The following NSG1 variants were observed in gnomAD, a reference collection of about 807,000 sequenced individuals.
NSG1 encodes neuronal vesicle trafficking-associated protein 1.
NSG1 carries 9 observed loss-of-function variants against 19.3 expected under a neutral mutation model. The observed-to-expected ratio is 0.47, with a 90% CI of 0.28 to 0.81. The LOEUF is 0.81. NSG1 is among the 40% of genes least tolerant of loss of function. The pLI is 0.11. For synonymous variants in NSG1, 104 were observed against 107.0 expected, an observed-to-expected ratio of 0.97 and a Z score of 0.17; for missense variants, 236 against 242.4, an observed-to-expected ratio of 0.97 and a Z score of 0.18.
intron 3 of NSG1, among the ~76,000 whole-genome samples, chr4:4,397,266 G>A (rs1219796249): frequency 2.0e-5 from 3 of 152,088 alleles, no homozygotes; most frequent in African/African-American, 4.8e-5. Context: ...CCGTCGACCT[G>A]GCGCCATCGA....
chr4:4,414,314 G>A lies in NSG1; in HGVS notation c.358-2921G>A, dbSNP rs191060449. 3.0e-3 allele frequency among the ~76,000 whole-genome samples: 455 copies of A among 151,960 alleles called. 1 individual carries two copies. The highest frequency in any genetic ancestry group is 5.4e-3 in the Non-Finnish European group (366 of 67,912). ...GGGCCTGGCACCTTTTGTTTAAAAG[G>A]CGCTCCAGGTGATTCCCATCCACAG... On this transcript the variant is annotated intron_variant, in intron 4 of 4. Coordinates refer to ENST00000621129, the MANE Select transcript of NSG1 (RefSeq NM_014392.5).
chr4:4,395,901 G>A (rs1254549970), intron 3 of NSG1, among the ~76,000 whole-genome samples: 2 of 152,160 alleles, frequency 1.3e-5, no homozygotes, highest in Non-Finnish European at 1.5e-5. Flanking sequence ...TCCTTGAAAC[G>A]GAGTGTCTTT....
At chr4:4,402,727 ATGGGTTCC>A (rs1198755360) in intron 3 of NSG1, among the ~76,000 whole-genome samples, 2 of 152,166 alleles carry the variant, frequency 1.3e-5, no homozygotes, top group Non-Finnish European at 2.9e-5. Flanking sequence ...GAACAGGTTC[ATGGGTTCC>A]TGCAGGCACG....
intron 3 of NSG1, among the ~76,000 whole-genome samples, chr4:4,402,047 ATTTTT>A (rs35299425): frequency 3.3e-5 from 4 of 122,318 alleles, no homozygotes; most frequent in Non-Finnish European, 3.4e-5. Context: ...TGCCCAGCTA[ATTTTT>A]TTTTTTTTTT....
At position 4,387,740 on chromosome 4, in the gene NSG1, G is replaced by T; in HGVS notation, c.111G>T (p.Gln37His). 6.2e-7 allele frequency: 1 copy of T among 1,612,108 alleles called. No individual in the cohort carries two copies. Among genetic ancestry groups the T allele is most frequent in the Non-Finnish European group, 8.5e-7 (1 of 1,178,436 alleles). ...LMTPLDVNQL[Q>H]FPPPDKVVVK... Reference sequence around the variant, plus strand: ...CGCCCCTCGATGTCAATCAGCTGCAGTTCCCGCCCCCGGATAAGGTAAGCC... The same window carrying T: ...CGCCCCTCGATGTCAATCAGCTGCATTTCCCGCCCCCGGATAAGGTAAGCC... Residue 37 changes from glutamine (Q) to histidine (H), a missense_variant, in exon 2 of 5, where the codon CAG becomes CAT. Transcript: ENST00000621129.
intron 3 of NSG1, among the ~76,000 whole-genome samples, chr4:4,401,565 C>A (rs928628350): frequency 1.2e-4 from 19 of 152,178 alleles, no homozygotes; most frequent in African/African-American, 4.6e-4. Flanking sequence ...CTCCCAGAAG[C>A]CTTCCCTAGC....
chr4:4,410,261 A>G (rs910322847), intron 4 of NSG1, among the ~76,000 whole-genome samples: 6 of 152,212 alleles, frequency 3.9e-5, no homozygotes, highest in Non-Finnish European at 8.8e-5. Context: ...CGCTTTGCAT[A>G]TATAATGCTC....
At chr4:4,400,015 C>T (rs1167230207) in intron 3 of NSG1, among the ~76,000 whole-genome samples, 2 of 152,178 alleles carry the variant, frequency 1.3e-5, no homozygotes, top group East Asian at 1.9e-4. Context: ...GGTCTGCAGC[C>T]CAGGGGTTCG....
intron 2 of NSG1, among the ~76,000 whole-genome samples, chr4:4,389,473 A>G (rs1722895317): frequency 6.6e-6 from 1 of 152,184 alleles, no homozygotes; most frequent in Non-Finnish European, 1.5e-5. Context: ...TTCTAAGGTC[A>G]CAATGAGGGA....
intron 2 of NSG1, 80 bp from the exon 3 acceptor site, chr4:4,391,395 A>G: frequency 1.2e-6 from 1 of 835,682 alleles, no homozygotes; most frequent in Middle Eastern, 2.4e-4. Context: ...GACTTTGAAT[A>G]TGGGAGTTCC....
rs1406393836 is a variant in NSG1, at chr4:4,417,573, T to C, written c.*138T>C. The C allele has an allele frequency of 4.5e-6, 4 of 888,174 alleles. No individual in the cohort carries two copies. Among genetic ancestry groups the C allele is most frequent in the Non-Finnish European group, 6.8e-6 (4 of 589,190 alleles). The allele number at this position is 888,174 out of a possible 1,614,324, so 55.0% of individuals were successfully genotyped here. A position where few individuals can be genotyped will look rare whatever the true frequency, so the allele number is the denominator to read the frequency against. ...ATTGCTTCTGTTTGCTAATGCTGCTTTGCAAATAAAACTTGCTGCCGACCA... is the reference window on the plus strand; with the variant it reads ...ATTGCTTCTGTTTGCTAATGCTGCTCTGCAAATAAAACTTGCTGCCGACCA... On this transcript the variant is annotated 3_prime_UTR_variant, in exon 5 of 5. Coordinates refer to ENST00000621129, the MANE Select transcript of NSG1 (RefSeq NM_014392.5).
intron 3 of NSG1, among the ~76,000 whole-genome samples, chr4:4,393,574 T>C (rs949777163): frequency 1.3e-5 from 2 of 152,362 alleles, no homozygotes; most frequent in African/African-American, 4.8e-5. Flanking sequence ...GAGAAGGCGA[T>C]GTATGCAGTA....
intron 3 of NSG1, among the ~76,000 whole-genome samples, chr4:4,393,934 A>G (rs375001696): frequency 3.6e-4 from 54 of 152,064 alleles, no homozygotes; most frequent in Non-Finnish European, 5.9e-5. Flanking sequence ...AACAGACCTC[A>G]CCGCCCTGTT....
intron 3 of NSG1, among the ~76,000 whole-genome samples, chr4:4,395,140 AAGG>A (rs1317381629): frequency 4.6e-5 from 7 of 152,196 alleles, no homozygotes. Context: ...CTCAACTGGG[AAGG>A]AGATTTACCT....
chr4:4,406,573 T>C (rs967477637), intron 3 of NSG1, among the ~76,000 whole-genome samples: 3 of 152,046 alleles, frequency 2.0e-5, no homozygotes, highest in Non-Finnish European at 2.9e-5. Flanking sequence ...GTTAGAGGGT[T>C]GAGAGCCCGC....
chr4:4,415,799 C>T, intron 4 of NSG1: 1 of 345,416 alleles, frequency 2.9e-6, no homozygotes, highest in South Asian at 3.1e-5. Context: ...GAGGGGAACC[C>T]TTGGTCCGTT....
intron 3 of NSG1, among the ~76,000 whole-genome samples, chr4:4,407,224 G>A (rs1192729007): frequency 6.6e-6 from 1 of 152,224 alleles, no homozygotes; most frequent in Non-Finnish European, 1.5e-5. Context: ...GGGGAGTGGA[G>A]GCGGGAGACG....
rs558116485 is a variant in NSG1 at position 4,407,643 on chromosome 4, G to T, written c.247-1930G>T. On this transcript the variant is annotated intron_variant, in intron 3 of 4. Coordinates refer to ENST00000621129, the MANE Select transcript of NSG1 (RefSeq NM_014392.5). ...CCTGCAGTCAGGATGCAGGCTCGGG[G>T]ACAATTGTGAGGCCTGGAGATGAAG... Among the ~76,000 whole-genome samples, 44 of 152,294 alleles carry T rather than the reference G, an allele frequency of 2.9e-4. No homozygotes were observed. The South Asian group carries it at 8.9e-3, about 31-fold the overall frequency.
intron 4 of NSG1, among the ~76,000 whole-genome samples, chr4:4,410,334 G>A (rs1199751688): frequency 6.6e-6 from 1 of 152,236 alleles, no homozygotes; most frequent in Non-Finnish European, 1.5e-5. Context: ...AGATAAGGGT[G>A]GAAAGAGAAG....
Sources: gnomAD v4.1 joint callset for allele counts (sites outside exome capture counted in the v4.1 genomes callset) on GRCh38, gnomAD v4.1.1 for gene constraint, MANE v1.5 for transcripts, NCBI Gene and HGNC (gene_info 2026-07-23, HGNC 2026-07-21) for gene names.